PPP1R1C: variants seen among roughly 807,000 people sequenced by gnomAD.
PPP1R1C encodes protein phosphatase 1 regulatory inhibitor subunit 1C, also known as protein phosphatase 1 regulatory subunit 1C.
PPP1R1C carries 15 observed loss-of-function variants against 17.4 expected under a neutral mutation model. The ratio of observed to expected loss-of-function variants is 0.86; its 90% CI spans 0.58 to 1.33. The LOEUF (loss-of-function observed/expected upper bound fraction) is 1.33. Among genes scored for constraint, PPP1R1C ranks in the 40% most tolerant of loss-of-function variants. The probability of loss-of-function intolerance (pLI) is 0.00; values close to 1 mark genes in which losing one functional copy is unlikely to be tolerated. For synonymous variants in PPP1R1C, 35 were observed against 43.1 expected (o/e 0.81, Z 0.73); for missense variants, 143 against 130.0 (o/e 1.10, Z -0.48).
At position 182,020,782 on chromosome 2, in the gene PPP1R1C, T is replaced by C. The variant is rs1215068431; in HGVS notation, c.142+32883T>C. Among the ~76,000 whole-genome samples the C allele has an allele frequency of 2.0e-5, 3 of 152,340 alleles. No individual in the cohort carries two copies. The East Asian group carries it at 5.8e-4, about 29-fold the overall frequency. ...TGTTCTGACCTTCCCCAACCTTTTC[T>C]ATATGGTATTTCATTTCTTTCTGGC... is the stretch of plus-strand genomic sequence containing the variant. On this transcript the variant is annotated intron_variant, in intron 2 of 4. Transcript: ENST00000682840.
intron 2 of PPP1R1C, among the ~76,000 whole-genome samples, chr2:182,010,155 G>T (rs1686047933): frequency 1.3e-5 from 2 of 151,576 alleles, no homozygotes; most frequent in African/African-American, 4.8e-5. Flanking sequence ...CTATTTCTGT[G>T]AAAAGTGTCA....
chr2:181,964,243 T>C (rs1684863969), intron 1 of PPP1R1C, among the ~76,000 whole-genome samples: 1 of 152,168 alleles, frequency 6.6e-6, no homozygotes, highest in African/African-American at 2.4e-5. Context: ...CTTATTTCAC[T>C]TAATTAACAT....
intron 4 of PPP1R1C, among the ~76,000 whole-genome samples, chr2:182,067,438 G>A (rs978011029): frequency 2.6e-4 from 40 of 151,794 alleles, no homozygotes; most frequent in Non-Finnish European, 7.4e-5. Flanking sequence ...AGGCTAACAT[G>A]GATTTTGGAG....
intron 5 of PPP1R1C, among the ~76,000 whole-genome samples, chr2:182,127,281 C>G (rs1282345837): frequency 6.6e-6 from 1 of 152,140 alleles, no homozygotes; most frequent in South Asian, 2.1e-4. Context: ...AAATGAGTCA[C>G]AGTTCTGGTC....
downstream of PPP1R1C, among the ~76,000 whole-genome samples, chr2:182,122,289 A>G (rs1205829534): frequency 6.6e-6 from 1 of 152,178 alleles, no homozygotes; most frequent in Non-Finnish European, 1.5e-5. Flanking sequence ...CCAATGTTTT[A>G]TACATTATGG....
At chr2:182,071,835 G>A (rs1472190390) in intron 4 of PPP1R1C, among the ~76,000 whole-genome samples, 1 of 151,974 alleles carries the variant, frequency 6.6e-6, no homozygotes, top group African/African-American at 2.4e-5. Flanking sequence ...TTTTTCCATT[G>A]ACTCCTGTGT....
chr2:182,052,603 T>C lies in PPP1R1C; in HGVS notation c.143-8839T>C, dbSNP rs568998820. 3.7e-4 allele frequency among the ~76,000 whole-genome samples: 57 copies of C among 152,358 alleles called. 2 individuals carry two copies. The highest frequency in any genetic ancestry group is 3.7e-3 in the South Asian group (18 of 4,828). On this transcript the variant is annotated intron_variant, in intron 2 of 4. Transcript: ENST00000682840. ...CCTACATTCTCCTCTGACACTCACC[T>C]GCTTATGTATCTCACATTAATATGA... is the stretch of plus-strand genomic sequence containing the variant.
intron 4 of PPP1R1C, among the ~76,000 whole-genome samples, chr2:182,068,999 T>C (rs1209733526): frequency 2.6e-5 from 4 of 152,186 alleles, no homozygotes; most frequent in African/African-American, 4.8e-5. Context: ...CCGTCGCACA[T>C]TGAAAATTGA....
At chr2:182,025,252 C>T (rs1342922884) in intron 2 of PPP1R1C, among the ~76,000 whole-genome samples, 1 of 146,026 alleles carries the variant, frequency 6.8e-6, no homozygotes, top group Non-Finnish European at 1.5e-5. Context: ...TACATGTGCA[C>T]ATTGTGCAGG....
chr2:181,956,406 A>G (rs1055767672), intron 1 of PPP1R1C, among the ~76,000 whole-genome samples: 8 of 152,250 alleles, frequency 5.3e-5, no homozygotes, highest in African/African-American at 1.7e-4. Flanking sequence ...TCCTTGGGGT[A>G]TATACCCAGT....
At chr2:182,007,300 A>G (rs1685950932) in intron 2 of PPP1R1C, among the ~76,000 whole-genome samples, 2 of 152,178 alleles carry the variant, frequency 1.3e-5, no homozygotes, top group African/African-American at 4.8e-5. Context: ...ATGTTTCATC[A>G]TTCTGTGGTT....
intron 4 of PPP1R1C, 153 bp downstream of exon 4, chr2:182,063,944 T>C (rs559966443): frequency 5.4e-6 from 3 of 553,580 alleles, no homozygotes; most frequent in Non-Finnish European, 9.9e-6. Flanking sequence ...TCTTATCTAC[T>C]TAAAACTTAG....
At chr2:182,069,729 T>C (rs1425540689) in intron 4 of PPP1R1C, among the ~76,000 whole-genome samples, 1 of 152,112 alleles carries the variant, frequency 6.6e-6, no homozygotes, top group Non-Finnish European at 1.5e-5. Context: ...TATTTTAAAA[T>C]TAATTAATCT....
intron 2 of PPP1R1C, among the ~76,000 whole-genome samples, chr2:182,050,601 T>A (rs533376712): frequency 2.6e-5 from 4 of 152,278 alleles, no homozygotes; most frequent in African/African-American, 9.6e-5. Flanking sequence ...GATCATAGTG[T>A]CACACTGTAG....
intron 2 of PPP1R1C, among the ~76,000 whole-genome samples, chr2:182,000,360 A>T (rs926677239): frequency 6.6e-6 from 1 of 152,058 alleles, no homozygotes; most frequent in African/African-American, 2.4e-5. Flanking sequence ...GATAATCAGG[A>T]TTCTGTCCAA....
At position 182,054,043 on chromosome 2, in the gene PPP1R1C, T is replaced by G. The variant is rs538115250; in HGVS notation, c.143-7399T>G. ...ATCTCTTCCTTATGTCTGTTTACCT[T>G]TGTTTCATGTATTTTATATCTTTAT... On this transcript the variant is annotated intron_variant, in intron 2 of 4. Coordinates refer to ENST00000682840, the MANE Select transcript of PPP1R1C (RefSeq NM_001080545.3). Among the ~76,000 whole-genome samples the G allele has an allele frequency of 1.7e-3, 262 of 152,306 alleles. 2 individuals carry two copies. The highest frequency in any genetic ancestry group is 5.9e-3 in the African/African-American group (244 of 41,570).
rs1290995177 is a variant in PPP1R1C at position 181,976,925 on chromosome 2, G to C, written n.157+1661G>C. Among the ~76,000 whole-genome samples, 1 of 151,692 alleles carries C rather than the reference G, an allele frequency of 6.6e-6. No homozygotes were observed. Among genetic ancestry groups the C allele is most frequent in the South Asian group, 2.1e-4 (1 of 4,796 alleles). ...TGCTGAGGCAGGTGGATCACTTGAGGCCAGGAGTTCAAGACCAGCCTGGGC... is the reference window on the plus strand; with the variant it reads ...TGCTGAGGCAGGTGGATCACTTGAGCCCAGGAGTTCAAGACCAGCCTGGGC... On this transcript the variant is annotated intron_variant and non_coding_transcript_variant, in intron 2 of 5. Transcript: ENST00000464264. This position sits in a 1 kb window ranked among gnomAD's most constrained non-coding sequence, Gnocchi z 4.8.
In PPP1R1C at chr2:181,992,819, T is replaced by A. The variant is rs952647416; in HGVS notation, c.142+4920T>A. ...AATAAAAACAAAGGTTGTTCTCACA[T>A]GCCTCAGGTTCCCAAAAGTTAGTTA... On this transcript the variant is annotated intron_variant, in intron 2 of 4. Coordinates refer to ENST00000682840, the MANE Select transcript of PPP1R1C (RefSeq NM_001080545.3). Among the ~76,000 whole-genome samples the A allele has an allele frequency of 2.7e-5, 4 of 149,312 alleles. 1 individual carries two copies. The highest frequency in any genetic ancestry group is 4.5e-5 in the Non-Finnish European group (3 of 66,988).
At chr2:181,987,512 C>T (rs34327586) in intron 1 of PPP1R1C, among the ~76,000 whole-genome samples, 1,539 of 152,214 alleles carry the variant, frequency 0.01, 11 homozygotes, top group Middle Eastern at 0.031. Context: ...TTATGAGGCT[C>T]CAAGCAAGCC....
Sources: gnomAD v4.1 joint callset for allele counts (sites outside exome capture counted in the v4.1 genomes callset) on GRCh38, gnomAD v4.1.1 for gene constraint, Gnocchi (gnomAD v3.1) non-coding constraint, MANE v1.5 for transcripts, NCBI Gene and HGNC (gene_info 2026-07-23, HGNC 2026-07-21) for gene names.